The following CYTH3 variants were observed in gnomAD, a reference collection of about 807,000 sequenced individuals.
CYTH3 encodes cytohesin 3.
In CYTH3, 23 loss-of-function variants were observed where a neutral mutation model predicts 55.1. The observed-to-expected ratio is 0.42, with a 90% CI of 0.30 to 0.59. The LOEUF (loss-of-function observed/expected upper bound fraction) is 0.59, where lower values mean the gene tolerates loss of function less well. Ranked by LOEUF, CYTH3 falls within the 20% of genes least tolerant of loss-of-function variation. The probability of loss-of-function intolerance (pLI) is 0.20; values close to 1 mark genes in which losing one functional copy is unlikely to be tolerated. For missense variants in CYTH3, 413 were observed against 524.8 expected, an observed-to-expected ratio of 0.79 and a Z score of 2.08; for synonymous variants, 249 against 194.9, an observed-to-expected ratio of 1.28 and a Z score of -2.31.
Position 6,164,777 on chromosome 7 carries a change from G to T in CYTH3, c.*167C>A. On this transcript the variant is annotated 3_prime_UTR_variant, in exon 13 of 13. Transcript: ENST00000350796. ...AGGGCGACCACCTCCCAGGACCCCA[G>T]CCACGGCACGAGGCCTTGGGGATAC... 1.3e-6 allele frequency: 1 copy of T among 756,472 alleles called. No individual in the cohort carries two copies. Among genetic ancestry groups the T allele is most frequent in the Non-Finnish European group, 2.2e-6 (1 of 444,964 alleles). 46.9% of individuals were successfully genotyped at this position (756,472 alleles called of 1,614,324 possible).
intron 1 of CYTH3, among the ~76,000 whole-genome samples, 176 bp from the exon 2 acceptor site, chr7:6,190,707 A>C (rs1293936793): frequency 6.6e-6 from 1 of 152,170 alleles, no homozygotes; most frequent in Non-Finnish European, 1.5e-5. Flanking sequence ...TATAACCAGA[A>C]AACAGCCTAA....
At chr7:6,229,329 T>C (rs1779327329) in intron 1 of CYTH3, among the ~76,000 whole-genome samples, 1 of 152,206 alleles carries the variant, frequency 6.6e-6, no homozygotes, top group Non-Finnish European at 1.5e-5. Context: ...AAAGAAATTA[T>C]ACTTCACTGA....
rs527658141 is a variant in CYTH3, at chr7:6,259,861, G to A, written c.34+12613C>T. Among the ~76,000 whole-genome samples the A allele has an allele frequency of 4.0e-3, 373 of 94,266 alleles. 4 individuals carry two copies. Among genetic ancestry groups the A allele is most frequent in the African/African-American group, 0.015 (296 of 19,928 alleles). 61.8% of individuals were successfully genotyped at this position (94,266 alleles called of 152,430 possible). On this transcript the variant is annotated intron_variant, in intron 1 of 12. Transcript: ENST00000350796. ...TTTTTTTTTTTTAAGACGGATTTTC[G>A]CTCTTGTTGCCCAGGCTGGAGAGCA...
intron 1 of CYTH3, among the ~76,000 whole-genome samples, chr7:6,258,784 G>A (rs558916718): frequency 3.9e-5 from 6 of 152,074 alleles, no homozygotes; most frequent in East Asian, 1.9e-4. Context: ...TTATAGAAAC[G>A]AAAAAATATT....
Position 6,186,957 on chromosome 7 carries a change from G to A in CYTH3, c.249+93C>T, listed in dbSNP as rs529586691. ...CCAGTCTTTTATGAGGTGACAGGGC[G>A]GACCACCTCTGACCTCTGTCCAAAA... On this transcript the variant is annotated intron_variant, in intron 4 of 12. Transcript: ENST00000350796. The A allele has an allele frequency of 4.3e-5, 55 of 1,287,314 alleles. 1 individual carries two copies. The highest frequency in any genetic ancestry group is 2.2e-4 in the South Asian group (18 of 81,616). 79.7% of individuals were successfully genotyped at this position (1,287,314 alleles called of 1,614,324 possible).
intron 1 of CYTH3, among the ~76,000 whole-genome samples, chr7:6,207,637 A>C (rs1784225336): frequency 6.6e-6 from 1 of 151,852 alleles, no homozygotes; most frequent in Non-Finnish European, 1.5e-5. Context: ...TGACAGAGCG[A>C]GACTCCATCT....
Position 6,162,080 on chromosome 7 carries a change from T to C in CYTH3, c.*2864A>G, listed in dbSNP as rs1161773464. On this transcript the variant is annotated 3_prime_UTR_variant, in exon 13 of 13. Coordinates refer to ENST00000350796, the MANE Select transcript of CYTH3 (RefSeq NM_004227.4). ...TCAGCAAAGCATATCTATGTAGATA[T>C]CTGCGTTTGTAACTTTAAAAATAGG... 2.0e-5 allele frequency: 3 copies of C among 152,684 alleles called. No individual in the cohort carries two copies. Among genetic ancestry groups the C allele is most frequent in the African/African-American group, 7.2e-5 (3 of 41,466 alleles). 9.5% of individuals were successfully genotyped at this position (152,684 alleles called of 1,614,324 possible).
chr7:6,234,844 G>A (rs900132105), intron 1 of CYTH3, among the ~76,000 whole-genome samples: 5 of 152,170 alleles, frequency 3.3e-5, no homozygotes, highest in African/African-American at 1.2e-4. Context: ...TTGGTAATAA[G>A]AGAGCTTGAG....
Position 6,164,581 on chromosome 7 carries a change from T to C in CYTH3, c.*363A>G, listed in dbSNP as rs1359345383. The C allele has an allele frequency of 1.0e-5, 3 of 300,314 alleles. No homozygotes were observed. 18.6% of individuals were successfully genotyped at this position (300,314 alleles called of 1,614,324 possible). ...TCTGTGGAATCCGTCCCGTGTCTGC[T>C]GTGGAGACAGCGGAAGCTGCTGTCC... On this transcript the variant is annotated 3_prime_UTR_variant, in exon 13 of 13. Transcript: ENST00000350796.
intron 1 of CYTH3, among the ~76,000 whole-genome samples, chr7:6,197,285 G>GA: frequency 6.6e-6 from 1 of 152,282 alleles, no homozygotes; most frequent in East Asian, 1.9e-4. Context: ...GTGGGACAAA[G>GA]ACATGGTGGC....
intron 1 of CYTH3, among the ~76,000 whole-genome samples, chr7:6,209,888 G>T (rs1040523245): frequency 6.6e-6 from 1 of 152,150 alleles, no homozygotes; most frequent in African/African-American, 2.4e-5. Flanking sequence ...ATTTCAACTA[G>T]ATGGCATTCT....
chr7:6,260,821 C>T (rs971798277), intron 1 of CYTH3, among the ~76,000 whole-genome samples: 1 of 152,190 alleles, frequency 6.6e-6, no homozygotes, highest in Non-Finnish European at 1.5e-5. Flanking sequence ...CTCTTCCACC[C>T]GCATGAATTA....
intron 1 of CYTH3, among the ~76,000 whole-genome samples, chr7:6,190,946 G>A (rs919954993): frequency 6.6e-5 from 10 of 151,772 alleles, no homozygotes; most frequent in Admixed American, 2.0e-4. Context: ...GTGTGGTGAC[G>A]CATGCCTGTA....
At chr7:6,197,833 T>G (rs1320515189) in intron 1 of CYTH3, among the ~76,000 whole-genome samples, 10 of 152,214 alleles carry the variant, frequency 6.6e-5, no homozygotes, top group African/African-American at 2.4e-4. Flanking sequence ...GGCTCAAGCC[T>G]GTAATCCCAG....
chr7:6,205,759 C>T (rs1784170260), intron 1 of CYTH3, among the ~76,000 whole-genome samples: 2 of 150,804 alleles, frequency 1.3e-5, no homozygotes, highest in African/African-American at 2.4e-5. Flanking sequence ...TACCTGTAAT[C>T]CTATCTATTT....
At chr7:6,199,536 G>A (rs1784012880) in intron 1 of CYTH3, among the ~76,000 whole-genome samples, 1 of 152,076 alleles carries the variant, frequency 6.6e-6, no homozygotes, top group Admixed American at 6.6e-5. Flanking sequence ...TCTACACCCT[G>A]CAAAATCTCT....
chr7:6,257,497 G>A (rs754779535), intron 1 of CYTH3, among the ~76,000 whole-genome samples: 4 of 152,082 alleles, frequency 2.6e-5, no homozygotes, highest in African/African-American at 7.2e-5. Flanking sequence ...AAATGTACAC[G>A]TTAAAATACA....
chr7:6,229,973 A>G (rs1779348618), intron 1 of CYTH3, among the ~76,000 whole-genome samples: 1 of 152,068 alleles, frequency 6.6e-6, no homozygotes, highest in South Asian at 2.1e-4. Flanking sequence ...TGTCTCCACT[A>G]AAAATACAAA....
chr7:6,252,706 G>T (rs1393545664), intron 1 of CYTH3, among the ~76,000 whole-genome samples: 1 of 152,142 alleles, frequency 6.6e-6, no homozygotes, highest in East Asian at 1.9e-4. Flanking sequence ...GTTGAGGGAG[G>T]GAAGAAGAAA....
Sources: allele counts gnomAD v4.1 joint callset (sites outside exome capture counted in the v4.1 genomes callset), GRCh38; gene constraint gnomAD v4.1.1; transcripts MANE v1.5; gene names NCBI Gene and HGNC (gene_info 2026-07-23, HGNC 2026-07-21).